Variants in PAK5 observed in about 807,000 individuals in gnomAD.
PAK5 encodes the protein serine/threonine-protein kinase PAK 5.
In PAK5, 16 loss-of-function variants were observed where a neutral mutation model predicts 65.9. The ratio of observed to expected loss-of-function variants is 0.24; its 90% CI spans 0.16 to 0.37. The LOEUF (loss-of-function observed/expected upper bound fraction) is 0.37, where lower values mean the gene tolerates loss of function less well. Among genes scored for constraint, PAK5 ranks in the 10% least tolerant of loss-of-function variants. The probability of loss-of-function intolerance (pLI) is 1.00; values close to 1 mark genes in which losing one functional copy is unlikely to be tolerated. For synonymous variants in PAK5, 371 were observed against 354.9 expected, an observed-to-expected ratio of 1.05 and a Z score of -0.51; for missense variants, 785 against 903.9, an observed-to-expected ratio of 0.87 and a Z score of 1.69.
In PAK5 at chr20:9,576,507, A is replaced by G. The variant is rs117056386; in HGVS notation, c.990+3638T>C. Among the ~76,000 whole-genome samples the G allele has an allele frequency of 3.7e-4, 57 of 152,298 alleles. No individual in the cohort carries two copies. In the East Asian group the frequency reaches 7.5e-3, roughly 20 times the overall value. ...ATGATGCACAGGACAGCCTCCCACA[A>G]TGAAGAATTACTAGGTCCAAAATGT... On this transcript the variant is annotated intron_variant, in intron 4 of 9. Coordinates refer to ENST00000353224, the MANE Select transcript of PAK5 (RefSeq NM_177990.4).
rs116731743 is a variant in PAK5, at chr20:9,603,635, T to C, written c.205-22705A>G. Among the ~76,000 whole-genome samples the C allele has an allele frequency of 2.4e-3, 363 of 152,330 alleles. 2 individuals carry two copies. Among genetic ancestry groups the C allele is most frequent in the African/African-American group, 8.3e-3 (346 of 41,566 alleles). ...TGTACATCCTCACCCATGATAGGGC[T>C]TTCCTGACTCCAGATAGCTTATGGA... is the stretch of plus-strand genomic sequence containing the variant. On this transcript the variant is annotated intron_variant, in intron 3 of 9. Transcript: ENST00000353224.
At chr20:9,686,362 T>C (rs868149442) in intron 2 of PAK5, among the ~76,000 whole-genome samples, 39 of 152,238 alleles carry the variant, frequency 2.6e-4, no homozygotes, top group Middle Eastern at 3.4e-3. Flanking sequence ...GCCAGGGTAT[T>C]TCCTTCCTTT....
chr20:9,591,871 C>T (rs974724147), intron 3 of PAK5, among the ~76,000 whole-genome samples: 1 of 152,046 alleles, frequency 6.6e-6, no homozygotes, highest in African/African-American at 2.4e-5. Flanking sequence ...ACAATCTTTA[C>T]AAATGTGGAA....
At chr20:9,817,363 C>G (rs2123765484) in intron 1 of PAK5, among the ~76,000 whole-genome samples, 1 of 152,242 alleles carries the variant, frequency 6.6e-6, no homozygotes, top group Middle Eastern at 3.4e-3. Flanking sequence ...TTGAGCACTA[C>G]TAAGTGCCTA....
chr20:9,570,481 T>TACG (rs879344990), intron 4 of PAK5, among the ~76,000 whole-genome samples: 21,140 of 144,958 alleles, frequency 0.15, 4,569 homozygotes, highest in African/African-American at 0.36. Flanking sequence ...AGTGTGTGTG[T>TACG]ATGATGGAAT....
chr20:9,582,521 T>A (rs746840875), intron 3 of PAK5, among the ~76,000 whole-genome samples: 4 of 152,176 alleles, frequency 2.6e-5, no homozygotes, highest in African/African-American at 9.7e-5. Context: ...AATGATGATG[T>A]TAGCCCTGAC....
intron 1 of PAK5, among the ~76,000 whole-genome samples, chr20:9,728,073 T>G (rs1475780265): frequency 6.6e-6 from 1 of 152,064 alleles, no homozygotes; most frequent in Non-Finnish European, 1.5e-5. Context: ...GGTGATAATA[T>G]TAACAAGTGG....
At chr20:9,822,725 CA>C (rs1320856925) in intron 1 of PAK5, among the ~76,000 whole-genome samples, 1 of 152,198 alleles carries the variant, frequency 6.6e-6, no homozygotes, top group Non-Finnish European at 1.5e-5. Context: ...AGTATCCACC[CA>C]TATGCCTACT....
intron 1 of PAK5, among the ~76,000 whole-genome samples, chr20:9,764,408 T>C (rs2048733379): frequency 6.6e-6 from 1 of 152,218 alleles, no homozygotes; most frequent in Admixed American, 6.5e-5. Context: ...TTTGATCAAT[T>C]GGAAGAGGCA....
chr20:9,789,064 T>C (rs1883546), intron 1 of PAK5, among the ~76,000 whole-genome samples: 111,686 of 152,172 alleles, frequency 0.73, 41,077 homozygotes, highest in Admixed American at 0.77. Flanking sequence ...GGTTCCTAGC[T>C]GAGCTCTATG....
chr20:9,733,285 C>G (rs1200020919), intron 1 of PAK5, among the ~76,000 whole-genome samples: 2 of 152,122 alleles, frequency 1.3e-5, no homozygotes, highest in African/African-American at 4.8e-5. Context: ...TACTTTTATT[C>G]AGCTTTATTG....
At chr20:9,587,640 G>A (rs752191822) in intron 3 of PAK5, among the ~76,000 whole-genome samples, 1 of 152,090 alleles carries the variant, frequency 6.6e-6, no homozygotes, top group Non-Finnish European at 1.5e-5. Context: ...AATCACCCAA[G>A]TATCTTGTTA....
At chr20:9,608,397 G>A (rs1464602533) in intron 3 of PAK5, among the ~76,000 whole-genome samples, 1 of 152,198 alleles carries the variant, frequency 6.6e-6, no homozygotes, top group African/African-American at 2.4e-5. Context: ...TTCTATGAAT[G>A]CCTTAGCCAA....
At chr20:9,610,581 T>C (rs1461003337) in intron 3 of PAK5, among the ~76,000 whole-genome samples, 1 of 152,216 alleles carries the variant, frequency 6.6e-6, no homozygotes, top group African/African-American at 2.4e-5. Flanking sequence ...TAGGCAAATA[T>C]AAGATGTCGG....
At chr20:9,730,865 G>A (rs138460285) in intron 1 of PAK5, among the ~76,000 whole-genome samples, 25 of 152,176 alleles carry the variant, frequency 1.6e-4, no homozygotes, top group Non-Finnish European at 3.1e-4. Context: ...AAAATGACTG[G>A]GATTCACATT....
intron 3 of PAK5, among the ~76,000 whole-genome samples, chr20:9,591,468 T>C (rs970685630): frequency 6.6e-6 from 1 of 152,060 alleles, no homozygotes; most frequent in African/African-American, 2.4e-5. Context: ...CAAAGCTTTT[T>C]AAAGAAAGGA....
intron 7 of PAK5, among the ~76,000 whole-genome samples, chr20:9,555,841 T>C (rs6039501): frequency 0.21 from 32,006 of 152,098 alleles, 4,712 homozygotes; most frequent in African/African-American, 0.42. Flanking sequence ...GGAACTTTGC[T>C]ACAGGTATCA....
chr20:9,797,794 G>A (rs2123729283), intron 1 of PAK5, among the ~76,000 whole-genome samples: 1 of 152,078 alleles, frequency 6.6e-6, no homozygotes, highest in Admixed American at 6.5e-5. Context: ...TTGCCTTTTG[G>A]ACAACCAAGT....
chr20:9,565,467 T>C (rs999843265), intron 5 of PAK5, among the ~76,000 whole-genome samples: 1 of 152,226 alleles, frequency 6.6e-6, no homozygotes, highest in African/African-American at 2.4e-5. Context: ...TATGATATCA[T>C]AGTAGTGTAA....
Sources: gnomAD v4.1 joint callset for allele counts (sites outside exome capture counted in the v4.1 genomes callset) on GRCh38, gnomAD v4.1.1 for gene constraint, MANE v1.5 for transcripts, NCBI Gene and HGNC (gene_info 2026-07-23, HGNC 2026-07-21) for gene names.